OR14J1: variants seen among roughly 807,000 people sequenced by gnomAD.
OR14J1 encodes olfactory receptor 14J1.
For synonymous variants in OR14J1, 140 were observed against 146.7 expected, an observed-to-expected ratio of 0.95 and a Z score of 0.33; for missense variants, 378 against 393.4, an observed-to-expected ratio of 0.96 and a Z score of 0.33.
Position 29,310,827 on chromosome 6 carries a change from G to A in OR14J1, c.*3172G>A, listed in dbSNP as rs6942138. ...TTCTCCTTGAAGAGGTCCTTCACAT[G>A]CCTTGTAAGTTGTATTCCTGGGTAT... is the stretch of plus-strand genomic sequence containing the variant. On this transcript the variant is annotated 3_prime_UTR_variant, in exon 2 of 2. Transcript: ENST00000641895. 29,332 of 151,990 alleles carry A rather than the reference G, an allele frequency of 0.19. 3,115 individuals carry two copies. The highest frequency in any genetic ancestry group is 0.42 in the East Asian group (2,179 of 5,148). 9.4% of individuals were successfully genotyped at this position (151,990 alleles called of 1,614,324 possible).
At position 29,309,395 on chromosome 6, in the gene OR14J1, AC is replaced by A. The variant is rs1775345988; in HGVS notation, c.*1743del. The A allele has an allele frequency of 6.6e-6, 1 of 152,170 alleles. No homozygotes were observed. Among genetic ancestry groups the A allele is most frequent in the Admixed American group, 6.5e-5 (1 of 15,276 alleles). 9.4% of individuals were successfully genotyped at this position (152,170 alleles called of 1,614,324 possible). A position where few individuals can be genotyped will look rare whatever the true frequency, so the allele number is the denominator to read the frequency against. ...ATGATTTATAATCCTTTGGGTATAT[AC>A]CCTGTAAAGGGATTCCTGGGTCAAA... On this transcript the variant is annotated 3_prime_UTR_variant, in exon 2 of 2. Transcript: ENST00000641895.
rs1169282302 is a variant in OR14J1 at position 29,311,163 on chromosome 6, G to A, written c.*3508G>A. 1 of 152,180 alleles carries A rather than the reference G, an allele frequency of 6.6e-6. No individual in the cohort carries two copies. Among genetic ancestry groups the A allele is most frequent in the Admixed American group, 6.5e-5 (1 of 15,280 alleles). The allele number at this position is 152,180 out of a possible 1,614,324, so 9.4% of individuals were successfully genotyped here. Reference sequence around the variant, plus strand: ...CAACATTATGTTGAATAAGAGTGGTGAGAGAGGGCATCCTTGTCTTGTGAC... The same window carrying A: ...CAACATTATGTTGAATAAGAGTGGTAAGAGAGGGCATCCTTGTCTTGTGAC... On this transcript the variant is annotated 3_prime_UTR_variant, in exon 2 of 2. Transcript: ENST00000641895.
In OR14J1 at chr6:29,303,688, CTCTATCTATCTA is replaced by C. The variant is rs70983984; in HGVS notation, c.-29+1936_-29+1947del. On this transcript the variant is annotated intron_variant, in intron 1 of 1. Coordinates refer to ENST00000641895, the MANE Select transcript of OR14J1 (RefSeq NM_030946.2). ...TAAAATGGATGAGTCTTAAGATTAT[CTCTATCTATCTA>C]TCTATCTATCTATCTATCTATCTAT... 2.1e-3 allele frequency among the ~76,000 whole-genome samples: 311 copies of C among 149,074 alleles called. 1 individual carries two copies. Among genetic ancestry groups the C allele is most frequent in the East Asian group, 9.3e-3 (47 of 5,046 alleles).
At chr6:29,303,159 G>A (rs189386425) in intron 1 of OR14J1, among the ~76,000 whole-genome samples, 6 of 152,330 alleles carry the variant, frequency 3.9e-5, no homozygotes, top group Admixed American at 3.3e-4. Flanking sequence ...ATTTTCTATT[G>A]TGTAGGAAAA....
At position 29,310,751 on chromosome 6, in the gene OR14J1, G is replaced by C. The variant is rs1413136136; in HGVS notation, c.*3096G>C. ...TTTATTCTTCCTACCCATGAGGATG[G>C]AATGTTTTTCCATTTGTTTGTGCCC... On this transcript the variant is annotated 3_prime_UTR_variant, in exon 2 of 2. Transcript: ENST00000641895. 1 of 152,166 alleles carries C rather than the reference G, an allele frequency of 6.6e-6. No individual in the cohort carries two copies. The highest frequency in any genetic ancestry group is 1.5e-5 in the Non-Finnish European group (1 of 68,040). 9.4% of individuals were successfully genotyped at this position (152,166 alleles called of 1,614,324 possible). A position where few individuals can be genotyped will look rare whatever the true frequency, so the allele number is the denominator to read the frequency against.
At position 29,307,022 on chromosome 6, in the gene OR14J1, C is replaced by CGAA; in HGVS notation, c.333_334insGAA (p.Ala111_Ile112insGlu). ...TAGCTCTGGCCTCATCAGAAGTGGC[C>CGAA]ATTCTCACAGTGATGTCTTATGACA... On this transcript the variant is annotated inframe_insertion, in exon 2 of 2. Coordinates refer to ENST00000641895, the MANE Select transcript of OR14J1 (RefSeq NM_030946.2). 1 of 1,613,056 alleles carries CGAA rather than the reference C, an allele frequency of 6.2e-7. No individual in the cohort carries two copies. The highest frequency in any genetic ancestry group is 8.5e-7 in the Non-Finnish European group (1 of 1,180,032).
Position 29,307,275 on chromosome 6 carries a change from G to A in OR14J1, c.586G>A (p.Ala196Thr). The change falls in exon 2 of 2, where the codon GCA becomes ACA. Residue 196 changes from alanine to threonine, a missense_variant. By Grantham distance (58) the Ala-to-Thr change is moderately conservative. Transcript: ENST00000641895. ...ACSYEFINEI[A>T]LAAFTTSAAF... The stretch of plus-strand genomic sequence containing the variant: ...TTCTTATGAATTCATTAATGAGATT[G>A]CACTGGCTGCATTCACAACGTCTGC... The A allele has an allele frequency of 1.9e-6, 3 of 1,612,876 alleles. No homozygotes were observed. Among genetic ancestry groups the A allele is most frequent in the Non-Finnish European group, 2.5e-6 (3 of 1,179,980 alleles).
At position 29,311,114 on chromosome 6, in the gene OR14J1, C is replaced by G. The variant is rs921890402; in HGVS notation, c.*3459C>G. 1 of 151,998 alleles carries G rather than the reference C, an allele frequency of 6.6e-6. No individual in the cohort carries two copies. Among genetic ancestry groups the G allele is most frequent in the Non-Finnish European group, 1.5e-5 (1 of 67,990 alleles). The allele number at this position is 151,998 out of a possible 1,614,324, so 9.4% of individuals were successfully genotyped here. A position where few individuals can be genotyped will look rare whatever the true frequency, so the allele number is the denominator to read the frequency against. On this transcript the variant is annotated 3_prime_UTR_variant, in exon 2 of 2. Coordinates refer to ENST00000641895, the MANE Select transcript of OR14J1 (RefSeq NM_030946.2). Reference sequence around the variant, plus strand: ...GAATACCTTTTATTTTTTTCTCTTGCCTGATTGCCCTGGCCAGAACTTCCA... The same window carrying G: ...GAATACCTTTTATTTTTTTCTCTTGGCTGATTGCCCTGGCCAGAACTTCCA...
At position 29,307,152 on chromosome 6, in the gene OR14J1, C is replaced by T; in HGVS notation, c.463C>T (p.Leu155Phe). The T allele has an allele frequency of 1.2e-6, 2 of 1,612,888 alleles. No homozygotes were observed. The highest frequency in any genetic ancestry group is 1.7e-6 in the Non-Finnish European group (2 of 1,179,958). ...GTGGATTGCTGGGGGCCTCTCTGGG[C>T]TCATGCATGCTGCCATTAACTTCTC... ...AVWIAGGLSG[L>F]MHAAINFSIP... Residue 155 changes from leucine to phenylalanine, a missense_variant, in exon 2 of 2, where the codon CTC becomes TTC. Coordinates refer to ENST00000641895, the MANE Select transcript of OR14J1 (RefSeq NM_030946.2).
chr6:29,302,523 G>T (rs1774790787), intron 1 of OR14J1, among the ~76,000 whole-genome samples: 1 of 152,118 alleles, frequency 6.6e-6, no homozygotes. Context: ...AGGAGGGATA[G>T]TGTGATTTAA....
Position 29,306,803 on chromosome 6 carries a change from A to C in OR14J1, c.114A>C (p.Thr38=), listed in dbSNP as rs780740384. ...VFLVTYLLAL[T]GNLLIITIIT... ...TGGTGACATACCTGCTGGCCTTGAC[A>C]GGCAACCTCCTCATTATCACCATCA... The change falls in exon 2 of 2, where the codon ACA becomes ACC. Residue 38 remains threonine, a synonymous_variant. Coordinates refer to ENST00000641895, the MANE Select transcript of OR14J1 (RefSeq NM_030946.2). 6.2e-7 allele frequency: 1 copy of C among 1,612,950 alleles called. No homozygotes were observed. The highest frequency in any genetic ancestry group is 1.1e-5 in the South Asian group (1 of 91,086).
intron 1 of OR14J1, among the ~76,000 whole-genome samples, chr6:29,304,031 C>T (rs921685517): frequency 2.0e-5 from 3 of 152,070 alleles, no homozygotes; most frequent in African/African-American, 7.2e-5. Flanking sequence ...GCCTTTGAAA[C>T]CCTAGAGTGG....
At position 29,309,466 on chromosome 6, in the gene OR14J1, C is replaced by T. The variant is rs1775351162; in HGVS notation, c.*1811C>T. On this transcript the variant is annotated 3_prime_UTR_variant, in exon 2 of 2. Transcript: ENST00000641895. ...TCCTTGAGGAATCGCCACACTGTTT[C>T]CACAATGGTTGAACTAGTTTACAGT... 6.6e-6 allele frequency: 1 copy of T among 152,180 alleles called. No homozygotes were observed. Among genetic ancestry groups the T allele is most frequent in the African/African-American group, 2.4e-5 (1 of 41,426 alleles). The allele number at this position is 152,180 out of a possible 1,614,324, so 9.4% of individuals were successfully genotyped here.
chr6:29,302,168 C>CTTTTTTTTTCTTTTTT, intron 1 of OR14J1, among the ~76,000 whole-genome samples: 1 of 64,226 alleles, frequency 1.6e-5, no homozygotes, highest in South Asian at 5.8e-4. Context: ...GATTTTTTTT[C>CTTTTTTTTTCTTTTTT]TTTTTTTTTT....
chr6:29,302,348 T>G (rs1165582043), intron 1 of OR14J1, among the ~76,000 whole-genome samples: 1 of 151,708 alleles, frequency 6.6e-6, no homozygotes, highest in Non-Finnish European at 1.5e-5. Flanking sequence ...CCGGCTAATT[T>G]TTGTATTTTT....
intron 1 of OR14J1, among the ~76,000 whole-genome samples, chr6:29,305,781 A>G (rs897449177): frequency 6.6e-6 from 1 of 151,954 alleles, no homozygotes; most frequent in African/African-American, 2.4e-5. Flanking sequence ...CCCACTATCT[A>G]ATATATTTCA....
In OR14J1 at chr6:29,301,729, A is replaced by G. The variant is rs1406236399; in HGVS notation, c.-87A>G. On this transcript the variant is annotated 5_prime_UTR_variant, in exon 1 of 2. Transcript: ENST00000641895. Reference sequence around the variant, plus strand: ...ACTGAAACACCAGCTTGATTCTAGAACAAAGATGCTCAGTCTCAGGATCAA... The same window carrying G: ...ACTGAAACACCAGCTTGATTCTAGAGCAAAGATGCTCAGTCTCAGGATCAA... 1 of 152,210 alleles carries G rather than the reference A, an allele frequency of 6.6e-6. No individual in the cohort carries two copies. The highest frequency in any genetic ancestry group is 1.5e-5 in the Non-Finnish European group (1 of 68,034). The allele number at this position is 152,210 out of a possible 1,614,324, so 9.4% of individuals were successfully genotyped here.
In OR14J1 at chr6:29,308,365, T is replaced by G. The variant is rs951257852; in HGVS notation, c.*710T>G. ...TGTATGTTTATGTGTGTGTGTGATG[T>G]GTATAATCTATAAATATAAGCATAT... On this transcript the variant is annotated 3_prime_UTR_variant, in exon 2 of 2. Coordinates refer to ENST00000641895, the MANE Select transcript of OR14J1 (RefSeq NM_030946.2). 2 of 152,194 alleles carry G rather than the reference T, an allele frequency of 1.3e-5. No individual in the cohort carries two copies. The highest frequency in any genetic ancestry group is 4.8e-5 in the African/African-American group (2 of 41,460). 9.4% of individuals were successfully genotyped at this position (152,194 alleles called of 1,614,324 possible).
chr6:29,306,820 T>A lies in OR14J1; in HGVS notation c.131T>A (p.Ile44Asn). Residue 44 changes from isoleucine (I) to asparagine (N), a missense_variant, in exon 2 of 2, where the codon ATC becomes AAC. Physicochemically the swap from Ile to Asn is moderately radical, Grantham distance 149 (BLOSUM62 -3). Transcript: ENST00000641895. The part of the protein sequence containing the change: ...LLALTGNLLI[I>N]TIITVDRRLH... The stretch of plus-strand genomic sequence containing the variant: ...GCCTTGACAGGCAACCTCCTCATTA[T>A]CACCATCATTACCGTGGACCGTCGT... 6.2e-7 allele frequency: 1 copy of A among 1,613,108 alleles called. No individual in the cohort carries two copies. The highest frequency in any genetic ancestry group is 2.2e-5 in the East Asian group (1 of 44,890).
Sources: gnomAD v4.1 joint callset for allele counts (sites outside exome capture counted in the v4.1 genomes callset) on GRCh38, gnomAD v4.1.1 for gene constraint, MANE v1.5 for transcripts, NCBI Gene and HGNC (gene_info 2026-07-23, HGNC 2026-07-21) for gene names.